The following MEGF11 variants were observed in gnomAD, a reference collection of about 807,000 sequenced individuals.
MEGF11 encodes multiple EGF like domains 11.
A neutral mutation model predicts 146.6 loss-of-function variants in MEGF11; 126 were observed. That is an observed-to-expected ratio of 0.86 (90% confidence interval 0.74 to 1.00). MEGF11 has a LOEUF of 1.00. MEGF11 is among the 50% of genes least tolerant of loss of function. The probability of loss-of-function intolerance (pLI) is 0.00; values close to 1 mark genes in which losing one functional copy is unlikely to be tolerated. For synonymous variants in MEGF11, 532 were observed against 583.4 expected, an observed-to-expected ratio of 0.91 and a Z score of 1.27; for missense variants, 1,509 against 1,521.2, an observed-to-expected ratio of 0.99 and a Z score of 0.13.
chr15:65,958,123 G>A (rs768510576), intron 9 of MEGF11, among the ~76,000 whole-genome samples: 3 of 152,238 alleles, frequency 2.0e-5, no homozygotes, highest in Non-Finnish European at 4.4e-5. Flanking sequence ...TGAATGCCTA[G>A]TGTGGGAACA....
chr15:65,955,859 AGG>A (rs1320823905), intron 10 of MEGF11, among the ~76,000 whole-genome samples: 1 of 130,128 alleles, frequency 7.7e-6, no homozygotes, highest in African/African-American at 2.9e-5. Context: ...AAAATGATTG[AGG>A]TATTTTATAT....
chr15:66,107,057 C>CG (rs1178845207), intron 4 of MEGF11, among the ~76,000 whole-genome samples: 1 of 140,406 alleles, frequency 7.1e-6, no homozygotes, highest in Non-Finnish European at 1.6e-5. Flanking sequence ...TATTCCTACC[C>CG]CCCCACCAGG....
intron 1 of MEGF11, among the ~76,000 whole-genome samples, chr15:66,205,466 A>G (rs1367832385): frequency 6.6e-6 from 1 of 152,162 alleles, no homozygotes; most frequent in Non-Finnish European, 1.5e-5. Context: ...GATAACAGCC[A>G]TTCAACTCCA....
intron 6 of MEGF11, among the ~76,000 whole-genome samples, chr15:65,981,959 G>A (rs2081654148): frequency 6.6e-6 from 1 of 152,222 alleles, no homozygotes; most frequent in Non-Finnish European, 1.5e-5. Flanking sequence ...GCAGTCTCAG[G>A]AAGGACCAGT....
chr15:66,219,736 C>A (rs1482824886), intron 1 of MEGF11, among the ~76,000 whole-genome samples: 4 of 152,106 alleles, frequency 2.6e-5, no homozygotes, highest in Non-Finnish European at 5.9e-5. Context: ...ACCATACAAC[C>A]CAGCAATTGC....
intron 5 of MEGF11, among the ~76,000 whole-genome samples, chr15:66,012,468 G>A (rs1008153390): frequency 6.6e-6 from 1 of 152,160 alleles, no homozygotes; most frequent in Admixed American, 6.6e-5. Context: ...TCAAGCGCCT[G>A]CCCATGCAAT....
intron 5 of MEGF11, among the ~76,000 whole-genome samples, chr15:66,005,404 C>T (rs1418702333): frequency 1.3e-5 from 2 of 152,128 alleles, no homozygotes; most frequent in Non-Finnish European, 2.9e-5. Flanking sequence ...TGATAGAATG[C>T]TTGAAAACAT....
chr15:66,032,220 C>G (rs971294426), intron 5 of MEGF11, among the ~76,000 whole-genome samples: 2 of 152,206 alleles, frequency 1.3e-5, no homozygotes, highest in African/African-American at 2.4e-5. Flanking sequence ...AACTTCCCAG[C>G]CTCCATAACC....
intron 5 of MEGF11, among the ~76,000 whole-genome samples, chr15:66,022,348 G>A (rs945055225): frequency 6.6e-6 from 1 of 152,254 alleles, no homozygotes; most frequent in Non-Finnish European, 1.5e-5. Flanking sequence ...CATGCCCAAT[G>A]GCCTCAGGCA....
intron 24 of MEGF11, 79 bp from the exon 25 acceptor site, chr15:65,899,013 G>A (rs1315112136): frequency 1.5e-6 from 2 of 1,378,558 alleles, no homozygotes; most frequent in Admixed American, 2.0e-5. Context: ...CTGCAGTTGA[G>A]TTTATGTGCC....
At chr15:65,969,898 TTTCCA>T (rs1449527093) in intron 8 of MEGF11, among the ~76,000 whole-genome samples, 1 of 152,056 alleles carries the variant, frequency 6.6e-6, no homozygotes, top group Non-Finnish European at 1.5e-5. Flanking sequence ...CAAATATCTT[TTTCCA>T]GCTTCCAATC....
At position 65,916,815 on chromosome 15, in the gene MEGF11, A is replaced by C; in HGVS notation, c.2215+13T>G. 1 of 1,611,062 alleles carries C rather than the reference A, an allele frequency of 6.2e-7. No homozygotes were observed. Among genetic ancestry groups the C allele is most frequent in the Non-Finnish European group, 8.5e-7 (1 of 1,178,634 alleles). The stretch of plus-strand genomic sequence containing the variant: ...TATTCTAAGTGGCTGGGAGGCCAGG[A>C]GGTGGGGCTTACGCTGTGTGCAGAA... On this transcript the variant is annotated intron_variant, in intron 17 of 25. Coordinates refer to ENST00000395614, the MANE Select transcript of MEGF11 (RefSeq NM_001385028.1).
chr15:66,234,622 G>A (rs2092050257), intron 1 of MEGF11, among the ~76,000 whole-genome samples: 1 of 152,202 alleles, frequency 6.6e-6, no homozygotes, highest in African/African-American at 2.4e-5. Flanking sequence ...TATGATCCCT[G>A]AAGGACAAGG....
At chr15:66,128,615 T>G (rs1369893626) in intron 1 of MEGF11, among the ~76,000 whole-genome samples, 1 of 152,192 alleles carries the variant, frequency 6.6e-6, no homozygotes, top group Non-Finnish European at 1.5e-5. Flanking sequence ...CCAGGGGTTC[T>G]GAATGTTTTT....
intron 2 of MEGF11, among the ~76,000 whole-genome samples, chr15:66,124,204 A>T (rs1417211408): frequency 2.6e-5 from 4 of 151,964 alleles, no homozygotes; most frequent in Admixed American, 2.6e-4. Flanking sequence ...TGGCCCCAGG[A>T]CATATTTACT....
intron 12 of MEGF11, among the ~76,000 whole-genome samples, chr15:65,928,877 A>C (rs1434773340): frequency 1.3e-5 from 2 of 152,174 alleles, no homozygotes; most frequent in East Asian, 3.9e-4. Flanking sequence ...TGTAAATGAA[A>C]GTGCACTTTG....
chr15:65,935,859 T>G (rs115023742), intron 10 of MEGF11, among the ~76,000 whole-genome samples: 1,656 of 152,286 alleles, frequency 0.011, 26 homozygotes, highest in African/African-American at 0.037. Context: ...TTCCCTAACT[T>G]CTAGCCTCTG....
chr15:66,193,607 G>A (rs1331153473), intron 1 of MEGF11, among the ~76,000 whole-genome samples: 1 of 152,052 alleles, frequency 6.6e-6, no homozygotes, highest in African/African-American at 2.4e-5. Context: ...AGTATTTGTG[G>A]TATGTGAAAC....
chr15:66,240,107 A>G (rs569052945), intron 1 of MEGF11, among the ~76,000 whole-genome samples: 8 of 152,234 alleles, frequency 5.3e-5, no homozygotes, highest in African/African-American at 1.2e-4. Flanking sequence ...CAGCCCCCCA[A>G]TAAAGCACCA....
Sources: allele counts gnomAD v4.1 joint callset (sites outside exome capture counted in the v4.1 genomes callset), GRCh38; gene constraint gnomAD v4.1.1; transcripts MANE v1.5; gene names NCBI Gene and HGNC (gene_info 2026-07-23, HGNC 2026-07-21).